Variants in LRP1B observed in about 807,000 individuals in gnomAD.
LRP1B encodes the protein LDL receptor related protein 1B, also known as low-density lipoprotein receptor-related protein 1B.
A neutral mutation model predicts 556.6 loss-of-function variants in LRP1B; 217 were observed. The observed-to-expected ratio is 0.39, with a 90% CI of 0.35 to 0.44. The LOEUF is 0.44. Among genes scored for constraint, LRP1B ranks in the 20% least tolerant of loss-of-function variants. The pLI is 1.00. For synonymous variants in LRP1B, 2,047 were observed against 1,865.8 expected, an observed-to-expected ratio of 1.10 and a Z score of -2.50; for missense variants, 5,053 against 5,620.8, an observed-to-expected ratio of 0.90 and a Z score of 3.23.
At chr2:141,724,215 T>C (rs190808172) in intron 2 of LRP1B, among the ~76,000 whole-genome samples, 2,168 of 151,982 alleles carry the variant, frequency 0.014, 29 homozygotes, top group Non-Finnish European at 0.02. Flanking sequence ...CATAGATATA[T>C]ACAAGCAGAA....
intron 1 of LRP1B, among the ~76,000 whole-genome samples, chr2:141,998,497 G>T (rs75885977): frequency 6.6e-6 from 1 of 151,814 alleles, no homozygotes; most frequent in African/African-American, 2.4e-5. Flanking sequence ...GAGGCAAAAA[G>T]GTTATTTTTA....
At chr2:142,019,822 C>T (rs944293117) in intron 1 of LRP1B, among the ~76,000 whole-genome samples, 2 of 152,178 alleles carry the variant, frequency 1.3e-5, no homozygotes, top group African/African-American at 4.8e-5. Flanking sequence ...CAAGTCACTC[C>T]CTCTCCCTGG....
At chr2:140,328,713 C>T (rs1270821661) in intron 79 of LRP1B, among the ~76,000 whole-genome samples, 1 of 151,884 alleles carries the variant, frequency 6.6e-6, no homozygotes, top group Non-Finnish European at 1.5e-5. Context: ...TGGATACATA[C>T]CATTATGTCA....
chr2:142,095,881 CAA>C (rs1706345069), intron 1 of LRP1B, among the ~76,000 whole-genome samples: 1 of 151,556 alleles, frequency 6.6e-6, no homozygotes, highest in Non-Finnish European at 1.5e-5. Flanking sequence ...CCCCAAAAAA[CAA>C]AAGACATTAC....
chr2:141,520,772 T>G (rs1277939308), intron 2 of LRP1B, among the ~76,000 whole-genome samples: 1 of 152,134 alleles, frequency 6.6e-6, no homozygotes, highest in Non-Finnish European at 1.5e-5. Context: ...TAACACACCT[T>G]CAAGAGGGCT....
At chr2:141,940,570 T>C (rs925944401) in intron 1 of LRP1B, among the ~76,000 whole-genome samples, 1 of 152,204 alleles carries the variant, frequency 6.6e-6, no homozygotes, top group Non-Finnish European at 1.5e-5. Flanking sequence ...CGGGTAAATG[T>C]TGAATATACT....
chr2:141,332,444 A>C (rs1360925380), intron 3 of LRP1B, among the ~76,000 whole-genome samples: 2 of 110,572 alleles, frequency 1.8e-5, no homozygotes, highest in African/African-American at 6.1e-5. Flanking sequence ...TCCCATATCT[A>C]ACTGAAAAAA....
chr2:141,227,660 T>C lies in LRP1B; in HGVS notation c.850+1523A>G, dbSNP rs576709957. On this transcript the variant is annotated intron_variant, in intron 6 of 90. Transcript: ENST00000389484. ...AGAGGATCTTCAAAATGTTCGACAA[T>C]ATTTGTTAAACACTTTGTTCATTTA... 2.1e-3 allele frequency among the ~76,000 whole-genome samples: 322 copies of C among 152,304 alleles called. 1 individual carries two copies. Among genetic ancestry groups the C allele is most frequent in the African/African-American group, 7.3e-3 (302 of 41,584 alleles).
At chr2:140,246,038 T>C (rs2104896678) in intron 87 of LRP1B, among the ~76,000 whole-genome samples, 1 of 151,534 alleles carries the variant, frequency 6.6e-6, no homozygotes, top group South Asian at 2.1e-4. Context: ...AATTAATCTC[T>C]AAATTAGGAA....
At chr2:140,296,316 T>C (rs1226897523) in intron 84 of LRP1B, among the ~76,000 whole-genome samples, 1 of 152,184 alleles carries the variant, frequency 6.6e-6, no homozygotes, top group Non-Finnish European at 1.5e-5. Context: ...TACCTCATTA[T>C]ACAGATGGAC....
At chr2:141,338,082 T>A (rs1687912358) in intron 3 of LRP1B, among the ~76,000 whole-genome samples, 1 of 152,202 alleles carries the variant, frequency 6.6e-6, no homozygotes, top group Non-Finnish European at 1.5e-5. Flanking sequence ...GGTTGTAATG[T>A]CACTTTGAAG....
chr2:140,377,767 C>T (rs966009317), intron 68 of LRP1B, among the ~76,000 whole-genome samples: 3 of 152,074 alleles, frequency 2.0e-5, no homozygotes, highest in Non-Finnish European at 2.9e-5. Context: ...TGACCCACAT[C>T]GATGTCTGTA....
At chr2:142,118,650 G>A (rs116464599) in intron 1 of LRP1B, among the ~76,000 whole-genome samples, 7,708 of 152,180 alleles carry the variant, frequency 0.051, 256 homozygotes, top group Non-Finnish European at 0.058. Flanking sequence ...TGTGATATGA[G>A]CAGAGTTCCA....
At chr2:141,320,187 C>T (rs1687185198) in intron 3 of LRP1B, among the ~76,000 whole-genome samples, 1 of 151,952 alleles carries the variant, frequency 6.6e-6, no homozygotes, top group Admixed American at 6.6e-5. Context: ...AAGTATAATG[C>T]CCCAAAATAG....
intron 1 of LRP1B, among the ~76,000 whole-genome samples, chr2:141,945,639 T>C (rs558854320): frequency 2.0e-5 from 3 of 152,092 alleles, no homozygotes; most frequent in Admixed American, 2.0e-4. Flanking sequence ...CTGTAGTTTA[T>C]TCTTGATTAT....
chr2:141,248,423 G>T (rs1484611008), intron 4 of LRP1B, among the ~76,000 whole-genome samples: 1 of 152,114 alleles, frequency 6.6e-6, no homozygotes, highest in African/African-American at 2.4e-5. Context: ...AAGTCAAACT[G>T]CTTAGGATTA....
At chr2:140,290,569 C>T (rs1683332173) in intron 84 of LRP1B, among the ~76,000 whole-genome samples, 1 of 152,070 alleles carries the variant, frequency 6.6e-6, no homozygotes. Context: ...TTCCAAATCA[C>T]AATTCTTAAA....
At chr2:140,340,671 A>C (rs2105095425) in intron 77 of LRP1B, among the ~76,000 whole-genome samples, 1 of 151,706 alleles carries the variant, frequency 6.6e-6, no homozygotes, top group African/African-American at 2.4e-5. Context: ...AATTAAAAAA[A>C]AAAATAAGTA....
chr2:141,426,007 CT>C (rs1170589927), intron 3 of LRP1B, among the ~76,000 whole-genome samples: 2 of 151,300 alleles, frequency 1.3e-5, no homozygotes, highest in Admixed American at 1.3e-4. Flanking sequence ...TGCCTATGTC[CT>C]GAATGGTAAT....
Sources: gnomAD v4.1 joint callset for allele counts (sites outside exome capture counted in the v4.1 genomes callset) on GRCh38, gnomAD v4.1.1 for gene constraint, MANE v1.5 for transcripts, NCBI Gene and HGNC (gene_info 2026-07-23, HGNC 2026-07-21) for gene names.